The following KRT26 variants were observed in gnomAD, a reference collection of about 807,000 sequenced individuals.
The protein encoded by KRT26 is keratin 26, also known as keratin, type I cytoskeletal 26.
In KRT26, 45 loss-of-function variants were observed where a neutral mutation model predicts 46.1. The observed-to-expected ratio is 0.98, with a 90% CI of 0.77 to 1.25. The LOEUF is 1.25. KRT26 is among the 50% of genes most tolerant of loss of function. KRT26 has a pLI of 0.00. For missense variants in KRT26, 582 were observed against 560.1 expected (o/e 1.04, Z -0.39); for synonymous variants, 191 against 209.9 (o/e 0.91, Z 0.78).
rs1302070889 is a variant in KRT26, at chr17:40,766,564, T to C, written c.1358A>G (p.Lys453Arg). The C allele has an allele frequency of 3.7e-6, 6 of 1,613,766 alleles. No individual in the cohort carries two copies. The highest frequency in any genetic ancestry group is 8.5e-7 in the Non-Finnish European group (1 of 1,179,850). ...TTGCTCTACTGTAATGTTGCTTATT[T>C]TAGAGGACTTTTCTTCAACTGAGTG... is the stretch of plus-strand genomic sequence containing the variant. The change falls in exon 8 of 8, where the codon AAA becomes AGA. Residue 453 changes from lysine (K) to arginine (R), a missense_variant. By Grantham distance (26) the Lys-to-Arg change is conservative (BLOSUM62 2). Coordinates refer to ENST00000335552, the Ensembl canonical transcript of KRT26.
chr17:40,771,262 G>A (rs760263613), intron 1 of KRT26, 26 bp from the exon 2 acceptor site: 1 of 1,324,350 alleles, frequency 7.6e-7, no homozygotes, highest in Non-Finnish European at 1.1e-6. Flanking sequence ...TGTGAAAAAT[G>A]TTAATTACCA....
At chr17:40,772,171 C>T (rs987441874), upstream of KRT26, 14 of 1,418,916 alleles carry the variant, frequency 9.9e-6, no homozygotes, top group African/African-American at 1.8e-4. Flanking sequence ...CAGGGTTCAC[C>T]TTCCACACTT....
exon 6 of KRT26, chr17:40,768,927 A>G: frequency 6.2e-7 from 1 of 1,604,076 alleles, no homozygotes; most frequent in Non-Finnish European, 8.5e-7. Flanking sequence ...TTCTTTTTCT[A>G]AAAATATTTT....
intron 2 of KRT26, among the ~76,000 whole-genome samples, chr17:40,770,736 G>A (rs899029734): frequency 2.0e-5 from 3 of 152,210 alleles, no homozygotes; most frequent in African/African-American, 7.2e-5. Context: ...CCAGACTGAA[G>A]TGCAGTGGCC....
At chr17:40,767,565 G>A (rs759896262) in intron 7 of KRT26, 21 bp downstream of exon 7, 5 of 1,503,392 alleles carry the variant, frequency 3.3e-6, no homozygotes, top group Non-Finnish European at 4.5e-6. Flanking sequence ...GTTACACCAG[G>A]TAAAAAAAAT....
exon 1 of KRT26, chr17:40,771,901 A>G: frequency 6.2e-7 from 1 of 1,614,150 alleles, no homozygotes; most frequent in Non-Finnish European, 8.5e-7. Flanking sequence ...CATTGCCAAG[A>G]AAACCAGCAC....
intron 7 of KRT26, among the ~76,000 whole-genome samples, chr17:40,767,039 A>T: frequency 6.6e-6 from 1 of 152,194 alleles, no homozygotes; most frequent in Middle Eastern, 3.2e-3. Context: ...TGCACCTTTT[A>T]AAAAATGTTT....
exon 1 of KRT26, chr17:40,771,682 A>T: frequency 6.2e-7 from 1 of 1,606,594 alleles, no homozygotes; most frequent in South Asian, 1.1e-5. Context: ...CCTGCCTTTT[A>T]AGATCTTCTA....
At chr17:40,766,326 GGAAAAGGATTACATGCATAGAACATGA>G (rs1466296800) in exon 8 of KRT26, 1 of 408,136 alleles carries the variant, frequency 2.5e-6, no homozygotes, top group Non-Finnish European at 4.2e-6. Flanking sequence ...TTTCTACTCT[GGAAAAGGATTACATGCATAGAACATGA>G]GAAAAGGAAG....
At chr17:40,769,000 G>A (rs1364328591) in exon 6 of KRT26, 2 of 1,613,686 alleles carry the variant, frequency 1.2e-6, no homozygotes, top group East Asian at 2.2e-5. Context: ...ATCTGTTGCA[G>A]TTGTTCCTCC....
At chr17:40,770,832 G>A (rs2038216544) in intron 2 of KRT26, among the ~76,000 whole-genome samples, 1 of 152,106 alleles carries the variant, frequency 6.6e-6, no homozygotes, top group African/African-American at 2.4e-5. Flanking sequence ...TTACAGGAGT[G>A]AGCCACCATG....
At chr17:40,767,652 T>C in exon 7 of KRT26, 1 of 1,601,224 alleles carries the variant, frequency 6.2e-7, no homozygotes, top group Non-Finnish European at 8.5e-7. Context: ...GATTTGCTTT[T>C]TCTGTGAAGA....
At chr17:40,769,847 A>G in exon 5 of KRT26, 1 of 1,614,166 alleles carries the variant, frequency 6.2e-7, no homozygotes. Flanking sequence ...CTGCTCCCTC[A>G]TGATCGGAAA....
chr17:40,772,166 T>C, upstream of KRT26: 1 of 1,480,492 alleles, frequency 6.8e-7, no homozygotes. Context: ...AAAGCCAGGG[T>C]TCACCTTCCA....
chr17:40,771,185 C>T, exon 2 of KRT26: 1 of 1,607,810 alleles, frequency 6.2e-7, no homozygotes, highest in Non-Finnish European at 8.5e-7. Context: ...GTCAGTCTGG[C>T]ATTGTCATTT....
At position 40,770,033 on chromosome 17, in the gene KRT26, G is replaced by A; in HGVS notation, c.771C>T (p.Asn257=). The A allele has an allele frequency of 2.5e-6, 4 of 1,614,108 alleles. No homozygotes were observed. The South Asian group carries it at 3.3e-5, about 13-fold the overall frequency. Residue 257 remains asparagine, a synonymous_variant, in exon 4 of 8, where the codon AAC becomes AAT. Coordinates refer to ENST00000335552, the Ensembl canonical transcript of KRT26. Reference sequence around the variant, plus strand: ...AGTCCTCATACTCAGCCCTCATGTTGTTCAACAGGACAGTTAGGTCCACTC... The same window carrying A: ...AGTCCTCATACTCAGCCCTCATGTTATTCAACAGGACAGTTAGGTCCACTC...
intron 6 of KRT26, among the ~76,000 whole-genome samples, chr17:40,768,001 A>T (rs1230562586): frequency 6.6e-6 from 1 of 152,242 alleles, no homozygotes; most frequent in African/African-American, 2.4e-5. Context: ...GAACCAAGAC[A>T]CAGTTTTTAC....
At chr17:40,768,421 G>A (rs891941792) in intron 6 of KRT26, among the ~76,000 whole-genome samples, 1 of 152,166 alleles carries the variant, frequency 6.6e-6, no homozygotes, top group Non-Finnish European at 1.5e-5. Context: ...TCACAGCCAG[G>A]GCTGCAATTC....
chr17:40,768,203 C>A (rs997709661), intron 6 of KRT26, among the ~76,000 whole-genome samples: 1 of 152,142 alleles, frequency 6.6e-6, no homozygotes, highest in Admixed American at 6.5e-5. Flanking sequence ...CCTCACTATG[C>A]GGCCATGGGC....
Sources: gnomAD v4.1 joint callset for allele counts (sites outside exome capture counted in the v4.1 genomes callset) on GRCh38, gnomAD v4.1.1 for gene constraint, MANE v1.5 for transcripts, NCBI Gene and HGNC (gene_info 2026-07-23, HGNC 2026-07-21) for gene names.